The following ATRNL1 variants were observed in gnomAD, a reference collection of about 807,000 sequenced individuals.
ATRNL1 encodes attractin like 1.
Under a neutral mutation model 182.7 loss-of-function variants are expected in ATRNL1, and 95 were observed. The observed-to-expected ratio is 0.52, with a 90% CI of 0.44 to 0.62. ATRNL1 has a LOEUF of 0.62. ATRNL1 is among the 20% of genes least tolerant of loss of function. The pLI, the probability that ATRNL1 is intolerant of heterozygous loss-of-function variation, is 0.00. For missense variants in ATRNL1, 1,471 were observed against 1,679.5 expected (o/e 0.88, Z 2.17); for synonymous variants, 576 against 568.3 (o/e 1.01, Z -0.19).
At chr10:115,904,781 A>G (rs1952451819) in intron 28 of ATRNL1, among the ~76,000 whole-genome samples, 1 of 152,232 alleles carries the variant, frequency 6.6e-6, no homozygotes, top group African/African-American at 2.4e-5. Flanking sequence ...TTAAGTCCAA[A>G]TATTCAATCA....
chr10:115,344,048 C>T (rs1855868507), intron 19 of ATRNL1, among the ~76,000 whole-genome samples: 2 of 152,130 alleles, frequency 1.3e-5, no homozygotes. Flanking sequence ...CCACCGTGGC[C>T]ATCACCAGTA....
intron 27 of ATRNL1, among the ~76,000 whole-genome samples, chr10:115,784,199 C>T (rs1270404698): frequency 2.0e-5 from 3 of 152,094 alleles, no homozygotes; most frequent in Non-Finnish European, 4.4e-5. Context: ...ACTCTGTAAT[C>T]GCTACACACA....
chr10:115,378,483 A>G (rs1022869450), intron 19 of ATRNL1, among the ~76,000 whole-genome samples: 2 of 152,226 alleles, frequency 1.3e-5, no homozygotes, highest in Non-Finnish European at 2.9e-5. Flanking sequence ...TTACAACTGT[A>G]AATAAGAGAT....
At chr10:115,782,930 A>G (rs1949302200) in intron 27 of ATRNL1, among the ~76,000 whole-genome samples, 1 of 152,214 alleles carries the variant, frequency 6.6e-6, no homozygotes, top group Admixed American at 6.5e-5. Flanking sequence ...TTAACTGATC[A>G]AATATATTTG....
At chr10:115,128,274 T>C (rs536695684) in intron 4 of ATRNL1, 1 of 153,870 alleles carries the variant, frequency 6.5e-6, no homozygotes, top group South Asian at 2.1e-4. Flanking sequence ...GTAATATTCA[T>C]TGAGAATCTA....
chr10:115,419,213 A>G (rs1185249134), intron 20 of ATRNL1, among the ~76,000 whole-genome samples: 1 of 152,212 alleles, frequency 6.6e-6, no homozygotes, highest in Non-Finnish European at 1.5e-5. Flanking sequence ...TTATTGGTTT[A>G]AAATAACTTA....
intron 18 of ATRNL1, among the ~76,000 whole-genome samples, chr10:115,331,694 G>T (rs1335739240): frequency 6.6e-6 from 1 of 151,610 alleles, no homozygotes; most frequent in African/African-American, 2.4e-5. Flanking sequence ...TTGCAGTCTG[G>T]ATTTGTTTGT....
intron 27 of ATRNL1, among the ~76,000 whole-genome samples, chr10:115,734,258 T>C (rs1170165874): frequency 2.6e-5 from 4 of 152,136 alleles, no homozygotes; most frequent in Admixed American, 1.3e-4. Context: ...ATTTACTTTC[T>C]AGAAATGTCG....
chr10:115,610,599 A>G (rs1857104779), intron 26 of ATRNL1, among the ~76,000 whole-genome samples: 1 of 152,100 alleles, frequency 6.6e-6, no homozygotes, highest in Non-Finnish European at 1.5e-5. Context: ...GTTTTTCATC[A>G]TGTTATTAAA....
intron 26 of ATRNL1, among the ~76,000 whole-genome samples, chr10:115,716,734 G>C (rs1459035145): frequency 1.3e-5 from 2 of 152,120 alleles, no homozygotes; most frequent in Admixed American, 1.3e-4. Context: ...CATTTCTATT[G>C]TAGTCAGATG....
chr10:115,373,180 G>A (rs1264667299), intron 19 of ATRNL1, among the ~76,000 whole-genome samples: 3 of 151,968 alleles, frequency 2.0e-5, no homozygotes, highest in Admixed American at 6.6e-5. Flanking sequence ...CACTGTTAGT[G>A]TATAGAAATG....
rs1564868256 is a variant in ATRNL1, at chr10:115,270,287, A to G, written c.2100+1843A>G. On this transcript the variant is annotated intron_variant, in intron 13 of 28. Coordinates refer to ENST00000355044, the MANE Select transcript of ATRNL1 (RefSeq NM_207303.4). ...ATATATTATATATAAATATATAAAC[A>G]TTTGTTTATATATTTGTTTATATAT... is the stretch of plus-strand genomic sequence containing the variant. 1.3e-4 allele frequency among the ~76,000 whole-genome samples: 18 copies of G among 143,966 alleles called. No individual in the cohort carries two copies. In the South Asian group the frequency reaches 3.8e-3, roughly 30 times the overall value. 94.4% of individuals were successfully genotyped at this position (143,966 alleles called of 152,430 possible).
At chr10:115,133,374 C>T (rs1554875723) in intron 5 of ATRNL1, among the ~76,000 whole-genome samples, 1 of 151,656 alleles carries the variant, frequency 6.6e-6, no homozygotes, top group African/African-American at 2.4e-5. Flanking sequence ...AAATGGAAAA[C>T]AAAAAAAGCC....
rs1592999727 is a variant in ATRNL1 at position 115,645,160 on chromosome 10, A to G, written c.3796-82088A>G. 2.0e-5 allele frequency among the ~76,000 whole-genome samples: 3 copies of G among 152,154 alleles called. No homozygotes were observed. The Middle Eastern group carries it at 0.01, about 518-fold the overall frequency. On this transcript the variant is annotated intron_variant, in intron 26 of 28. Coordinates refer to ENST00000355044, the MANE Select transcript of ATRNL1 (RefSeq NM_207303.4). ...TAAGGTTTTCATTGTTTACTATGCTATTCTGTGTTCAACAATAGAAGGGTA... is the reference window on the plus strand; with the variant it reads ...TAAGGTTTTCATTGTTTACTATGCTGTTCTGTGTTCAACAATAGAAGGGTA...
chr10:115,847,363 G>T (rs1344932856), intron 27 of ATRNL1, among the ~76,000 whole-genome samples: 2 of 152,004 alleles, frequency 1.3e-5, no homozygotes, highest in African/African-American at 4.8e-5. Flanking sequence ...TGTATTTTAG[G>T]TGCTCTTTCC....
intron 24 of ATRNL1, among the ~76,000 whole-genome samples, chr10:115,500,441 G>A (rs1219819865): frequency 6.6e-6 from 1 of 150,392 alleles, no homozygotes; most frequent in African/African-American, 2.5e-5. Flanking sequence ...TATAGTTTTT[G>A]AAATTTTTTT....
chr10:115,300,540 G>A (rs2133975638), intron 16 of ATRNL1, among the ~76,000 whole-genome samples: 1 of 152,188 alleles, frequency 6.6e-6, no homozygotes, highest in South Asian at 2.1e-4. Flanking sequence ...TATCATGATA[G>A]TGTTTGGGAA....
intron 9 of ATRNL1, among the ~76,000 whole-genome samples, chr10:115,228,419 T>C (rs1467320886): frequency 6.6e-6 from 1 of 152,190 alleles, no homozygotes; most frequent in Non-Finnish European, 1.5e-5. Context: ...TTTTGAATAT[T>C]GGGGTCATTG....
chr10:115,157,369 G>A (rs1592184695), intron 5 of ATRNL1, among the ~76,000 whole-genome samples: 1 of 152,094 alleles, frequency 6.6e-6, no homozygotes, highest in East Asian at 1.9e-4. Flanking sequence ...TACATTTTAA[G>A]TCATTTTGGT....
Sources: gnomAD v4.1 joint callset for allele counts (sites outside exome capture counted in the v4.1 genomes callset) on GRCh38, gnomAD v4.1.1 for gene constraint, MANE v1.5 for transcripts, NCBI Gene and HGNC (gene_info 2026-07-23, HGNC 2026-07-21) for gene names.